The following FAM227B variants were observed in gnomAD, a reference collection of about 807,000 sequenced individuals.
FAM227B encodes protein FAM227B.
In FAM227B, 88 loss-of-function variants were observed where a neutral mutation model predicts 73.8. That is an observed-to-expected ratio of 1.19 (90% CI 1.00 to 1.42). The LOEUF (loss-of-function observed/expected upper bound fraction) is 1.42, where lower values mean the gene tolerates loss of function less well. Ranked by LOEUF, FAM227B falls within the 40% of genes most tolerant of loss-of-function variation. The pLI, the probability that FAM227B is intolerant of heterozygous loss-of-function variation, is 0.00. For synonymous variants in FAM227B, 210 were observed against 190.5 expected (o/e 1.10, Z -0.84); for missense variants, 632 against 590.9 (o/e 1.07, Z -0.72).
At chr15:49,515,671 C>T (rs1427002971) in intron 10 of FAM227B, among the ~76,000 whole-genome samples, 1 of 152,116 alleles carries the variant, frequency 6.6e-6, no homozygotes, top group Non-Finnish European at 1.5e-5. Flanking sequence ...TTTATGTTTT[C>T]TTGTTGCTAT....
At chr15:49,442,320 G>C (rs923322282) in intron 11 of FAM227B, among the ~76,000 whole-genome samples, 23 of 151,294 alleles carry the variant, frequency 1.5e-4, no homozygotes, top group African/African-American at 5.3e-4. Context: ...CATTCTTCAG[G>C]GCCCAGATTA....
chr15:49,526,586 C>A (rs1260259849), intron 10 of FAM227B, among the ~76,000 whole-genome samples: 1 of 151,666 alleles, frequency 6.6e-6, no homozygotes, highest in Non-Finnish European at 1.5e-5. Flanking sequence ...GAAAGTGATA[C>A]AAAACATTAA....
chr15:49,542,711 AAT>A (rs56759104), intron 9 of FAM227B, among the ~76,000 whole-genome samples: 20 of 147,900 alleles, frequency 1.4e-4, no homozygotes, highest in Middle Eastern at 3.6e-3. Context: ...TTTATATATA[AAT>A]ATATATATAT....
At chr15:49,474,935 C>G (rs1025351978) in intron 11 of FAM227B, among the ~76,000 whole-genome samples, 5 of 151,922 alleles carry the variant, frequency 3.3e-5, no homozygotes, top group African/African-American at 1.2e-4. Context: ...CACACCATAC[C>G]CCAGAATTAA....
intron 5 of FAM227B, among the ~76,000 whole-genome samples, chr15:49,579,308 C>G (rs2075664277): frequency 6.6e-6 from 1 of 152,162 alleles, no homozygotes; most frequent in South Asian, 2.1e-4. Context: ...TACTCAGTAT[C>G]TCTCCAAAAG....
intron 11 of FAM227B, among the ~76,000 whole-genome samples, chr15:49,422,088 C>A (rs2049687065): frequency 6.8e-6 from 1 of 146,838 alleles, no homozygotes; most frequent in Non-Finnish European, 1.5e-5. Flanking sequence ...GGTCTACATG[C>A]ACCACCTGGT....
intron 11 of FAM227B, among the ~76,000 whole-genome samples, chr15:49,501,481 G>A (rs1341105269): frequency 6.6e-6 from 1 of 152,220 alleles, no homozygotes; most frequent in Non-Finnish European, 1.5e-5. Flanking sequence ...AGGGTATCTG[G>A]TGGAAGAAAT....
intron 10 of FAM227B, among the ~76,000 whole-genome samples, chr15:49,540,217 C>T (rs2070868427): frequency 6.6e-6 from 1 of 152,148 alleles, no homozygotes; most frequent in African/African-American, 2.4e-5. Context: ...GAGTGTGTGG[C>T]TGCCTCAGGA....
At chr15:49,534,845 A>C (rs1164432140) in intron 10 of FAM227B, among the ~76,000 whole-genome samples, 1 of 151,740 alleles carries the variant, frequency 6.6e-6, no homozygotes, top group Non-Finnish European at 1.5e-5. Context: ...ATCCTGGCCA[A>C]TGGGTCAAAG....
intron 11 of FAM227B, among the ~76,000 whole-genome samples, chr15:49,463,235 T>C (rs940002910): frequency 1.3e-5 from 2 of 152,126 alleles, no homozygotes; most frequent in Non-Finnish European, 2.9e-5. Flanking sequence ...AACTTTTCAG[T>C]GGCTTACCAT....
chr15:49,456,234 T>C (rs2053272927), intron 11 of FAM227B, among the ~76,000 whole-genome samples: 2 of 152,146 alleles, frequency 1.3e-5, no homozygotes, highest in Non-Finnish European at 2.9e-5. Flanking sequence ...CCTCTGAGAC[T>C]TGAATTATTA....
At chr15:49,475,636 C>T (rs1454887852) in intron 11 of FAM227B, among the ~76,000 whole-genome samples, 1 of 151,868 alleles carries the variant, frequency 6.6e-6, no homozygotes, top group Non-Finnish European at 1.5e-5. Context: ...CATCTAAAAA[C>T]AATTTGATAT....
intron 9 of FAM227B, among the ~76,000 whole-genome samples, chr15:49,544,624 A>G (rs970132748): frequency 2.0e-5 from 3 of 152,136 alleles, no homozygotes; most frequent in African/African-American, 7.2e-5. Flanking sequence ...CCCATTCAGT[A>G]TAATGTTGGC....
At chr15:49,559,576 G>A (rs1240375400) in intron 9 of FAM227B, among the ~76,000 whole-genome samples, 1 of 152,038 alleles carries the variant, frequency 6.6e-6, no homozygotes, top group Non-Finnish European at 1.5e-5. Flanking sequence ...AACACCATAA[G>A]TCAACAGAGG....
chr15:49,426,858 C>T (rs561444577), intron 11 of FAM227B, among the ~76,000 whole-genome samples: 1 of 151,982 alleles, frequency 6.6e-6, no homozygotes, highest in South Asian at 2.1e-4. Context: ...ATATGGTATA[C>T]TTTCTTGATA....
At chr15:49,329,741 C>T in intron 15 of FAM227B, 1 of 972,830 alleles carries the variant, frequency 1.0e-6, no homozygotes, top group African/African-American at 1.8e-5. Context: ...TTTTTTAATA[C>T]CGTGCCATTT....
At chr15:49,433,850 T>C (rs1189361826) in intron 11 of FAM227B, among the ~76,000 whole-genome samples, 1 of 151,802 alleles carries the variant, frequency 6.6e-6, no homozygotes, top group African/African-American at 2.4e-5. Context: ...AAAACAGTAA[T>C]TCATAGTTGA....
chr15:49,336,047 A>T (rs12591875), intron 13 of FAM227B, among the ~76,000 whole-genome samples: 14,295 of 152,110 alleles, frequency 0.094, 2,032 homozygotes, highest in African/African-American at 0.31. Flanking sequence ...GGCTCTAGCA[A>T]TCCTCCTGCC....
intron 11 of FAM227B, among the ~76,000 whole-genome samples, chr15:49,404,901 G>A (rs188430182): frequency 1.1e-3 from 174 of 152,122 alleles, no homozygotes; most frequent in Admixed American, 2.2e-3. Context: ...GGTTTTTCCC[G>A]TCCATATTTA....
Sources: allele counts gnomAD v4.1 joint callset (sites outside exome capture counted in the v4.1 genomes callset), GRCh38; gene constraint gnomAD v4.1.1; transcripts MANE v1.5; gene names NCBI Gene and HGNC (gene_info 2026-07-23, HGNC 2026-07-21).